Variants in C1QTNF7 observed in about 807,000 individuals in gnomAD.
C1QTNF7 encodes the protein C1q and TNF related 7, also known as complement C1q tumor necrosis factor-related protein 7.
C1QTNF7 carries 15 observed loss-of-function variants against 19.6 expected under a neutral mutation model. The ratio of observed to expected loss-of-function variants is 0.76; its 90% CI spans 0.51 to 1.18. The LOEUF is 1.18. Ranked by LOEUF, C1QTNF7 falls within the 50% of genes most tolerant of loss-of-function variation. C1QTNF7 has a pLI of 0.00. For synonymous variants in C1QTNF7, 142 were observed against 137.5 expected (o/e 1.03, Z -0.23); for missense variants, 324 against 359.7 (o/e 0.90, Z 0.80).
chr4:15,387,111 C>G (rs780806823), intron 1 of C1QTNF7, among the ~76,000 whole-genome samples: 20 of 152,048 alleles, frequency 1.3e-4, no homozygotes, highest in African/African-American at 2.2e-4. Context: ...TATGGGAAAC[C>G]AAAGGATTTG....
At chr4:15,344,829 CT>C (rs1240015613) in intron 1 of C1QTNF7, among the ~76,000 whole-genome samples, 3 of 152,208 alleles carry the variant, frequency 2.0e-5, no homozygotes, top group East Asian at 3.9e-4. Context: ...TCGGGAGAAA[CT>C]TTTTTCCATC....
At chr4:15,429,153 T>G (rs1228785596) in intron 1 of C1QTNF7, among the ~76,000 whole-genome samples, 2 of 152,232 alleles carry the variant, frequency 1.3e-5, no homozygotes, top group Admixed American at 1.3e-4. Flanking sequence ...TTAAAACACC[T>G]GGCACAGAAA....
In C1QTNF7 at chr4:15,442,239, G is replaced by A. The variant is rs749406163; in HGVS notation, c.310G>A (p.Gly104Arg). The A allele has an allele frequency of 3.7e-6, 6 of 1,613,962 alleles. No homozygotes were observed. In the East Asian group the frequency reaches 1.1e-4, roughly 30 times the overall value. ...GGACCAAGGAGAGACTGGGAAGAAA[G>A]GACCCATAGGACCAGAGGGAGAGAA... ...KGDQGETGKK[G>R]PIGPEGEKGE... The change falls in exon 3 of 3, where the codon GGA becomes AGA. Residue 104 changes from glycine (G) to arginine (R), a missense_variant. Gly to Arg is a moderately radical substitution (Grantham distance 125, BLOSUM62 -2). Transcript: ENST00000444304.
At chr4:15,343,838 A>G (rs757828526) in intron 1 of C1QTNF7, among the ~76,000 whole-genome samples, 3 of 152,196 alleles carry the variant, frequency 2.0e-5, no homozygotes, top group Non-Finnish European at 4.4e-5. Flanking sequence ...ATATCTTACA[A>G]CCAGGTCACA....
chr4:15,361,735 C>T (rs997792626), intron 1 of C1QTNF7, among the ~76,000 whole-genome samples: 1 of 152,124 alleles, frequency 6.6e-6, no homozygotes, highest in Non-Finnish European at 1.5e-5. Flanking sequence ...ACCCAAATGG[C>T]ATAAATAAAT....
Position 15,442,672 on chromosome 4 carries a change from A to T in C1QTNF7, c.743A>T (p.Glu248Val). The T allele has an allele frequency of 6.2e-7, 1 of 1,614,216 alleles. No homozygotes were observed. Among genetic ancestry groups the T allele is most frequent in the Non-Finnish European group, 8.5e-7 (1 of 1,180,034 alleles). The change falls in exon 3 of 3, where the codon GAG (glutamate) becomes GTG (valine). Residue 248 changes from glutamate (E) to valine (V), a missense_variant. Coordinates refer to ENST00000444304, the MANE Select transcript of C1QTNF7 (RefSeq NM_031911.5). ...YLQPEDEVWL[E>V]IFFTDQNGLF... ...CAGCCAGAAGATGAAGTCTGGCTGG[A>T]GATTTTCTTCACAGACCAGAATGGC... is the stretch of plus-strand genomic sequence containing the variant.
intron 1 of C1QTNF7, among the ~76,000 whole-genome samples, chr4:15,435,212 T>C (rs1712478328): frequency 6.6e-6 from 1 of 152,188 alleles, no homozygotes; most frequent in Non-Finnish European, 1.5e-5. Context: ...AATTTTGACA[T>C]GAGAAGGTGT....
chr4:15,394,668 CAT>C (rs35558687), intron 1 of C1QTNF7, among the ~76,000 whole-genome samples: 54,404 of 151,866 alleles, frequency 0.36, 10,002 homozygotes, highest in East Asian at 0.54. Context: ...TTACGACAAA[CAT>C]ATTTTTTATA....
intron 2 of C1QTNF7, 45 bp downstream of exon 2, chr4:15,436,026 C>T (rs1712524163): frequency 1.9e-6 from 3 of 1,572,942 alleles, no homozygotes; most frequent in Non-Finnish European, 1.7e-6. Context: ...TCACCCCCAC[C>T]TTAAAACTGT....
chr4:15,354,445 G>GGGA (rs1717057242), intron 1 of C1QTNF7, among the ~76,000 whole-genome samples: 1 of 152,070 alleles, frequency 6.6e-6, no homozygotes, highest in Non-Finnish European at 1.5e-5. Context: ...ACTGGATGTG[G>GGGA]GGAGGCCAGA....
chr4:15,438,254 C>T (rs751111870), intron 2 of C1QTNF7, among the ~76,000 whole-genome samples: 10 of 152,154 alleles, frequency 6.6e-5, no homozygotes, highest in Non-Finnish European at 1.0e-4. Flanking sequence ...ACATAGGATA[C>T]ATAACAGCTC....
At chr4:15,353,330 A>G (rs1716999996) in intron 1 of C1QTNF7, among the ~76,000 whole-genome samples, 3 of 152,314 alleles carry the variant, frequency 2.0e-5, no homozygotes, top group Admixed American at 2.0e-4. Context: ...GGGTAAGACC[A>G]TAACAGAGAC....
chr4:15,396,495 T>C (rs1577255917), intron 1 of C1QTNF7, among the ~76,000 whole-genome samples: 1 of 152,208 alleles, frequency 6.6e-6, no homozygotes, highest in Non-Finnish European at 1.5e-5. Flanking sequence ...AGATCTCATG[T>C]ATTCAGCAAT....
At chr4:15,410,427 A>G (rs1471892238) in intron 1 of C1QTNF7, among the ~76,000 whole-genome samples, 1 of 152,242 alleles carries the variant, frequency 6.6e-6, no homozygotes, top group South Asian at 2.1e-4. Context: ...TTGACTCTCA[A>G]TGTTTCTCTT....
intron 1 of C1QTNF7, among the ~76,000 whole-genome samples, chr4:15,417,462 G>A (rs1230041095): frequency 6.6e-6 from 1 of 152,226 alleles, no homozygotes; most frequent in Non-Finnish European, 1.5e-5. Context: ...AAGAGATCCT[G>A]AGGCTGCATA....
intron 1 of C1QTNF7, among the ~76,000 whole-genome samples, chr4:15,415,511 A>G (rs1307654958): frequency 2.0e-5 from 3 of 152,176 alleles, no homozygotes; most frequent in African/African-American, 7.2e-5. Context: ...TAGTTGGAAA[A>G]TACAATAGAA....
intron 1 of C1QTNF7, among the ~76,000 whole-genome samples, chr4:15,360,299 T>A (rs1333651189): frequency 6.6e-6 from 1 of 152,176 alleles, no homozygotes; most frequent in Non-Finnish European, 1.5e-5. Flanking sequence ...AAAGTCATAG[T>A]GAATTTGAAC....
At chr4:15,433,389 G>T (rs928858803) in intron 1 of C1QTNF7, among the ~76,000 whole-genome samples, 2 of 151,808 alleles carry the variant, frequency 1.3e-5, no homozygotes, top group African/African-American at 4.8e-5. Context: ...GGCCCTGCAC[G>T]CTCCAGGCCT....
intron 1 of C1QTNF7, among the ~76,000 whole-genome samples, chr4:15,397,513 T>A (rs1454445176): frequency 6.6e-6 from 1 of 152,098 alleles, no homozygotes; most frequent in Non-Finnish European, 1.5e-5. Flanking sequence ...GAGGCAGGAG[T>A]GTGCCTCTGC....
Sources: gnomAD v4.1 joint callset for allele counts (sites outside exome capture counted in the v4.1 genomes callset) on GRCh38, gnomAD v4.1.1 for gene constraint, MANE v1.5 for transcripts, NCBI Gene and HGNC (gene_info 2026-07-23, HGNC 2026-07-21) for gene names.